The following WDPCP variants were observed in gnomAD, a reference collection of about 807,000 sequenced individuals.
WDPCP encodes WD repeat containing planar cell polarity effector, also known as WD repeat-containing and planar cell polarity effector protein fritz homolog.
In WDPCP, 71 loss-of-function variants were observed where a neutral mutation model predicts 93.1. That is an observed-to-expected ratio of 0.76 (90% CI 0.63 to 0.93). WDPCP has a LOEUF of 0.93. Among genes scored for constraint, WDPCP ranks in the 40% least tolerant of loss-of-function variants. WDPCP has a pLI of 0.00. For missense variants in WDPCP, 844 were observed against 887.4 expected (o/e 0.95, Z 0.62); for synonymous variants, 315 against 315.0 (o/e 1.00, Z 0.00).
chr2:63,817,277 T>C (rs1374725641), intron 1 of WDPCP, among the ~76,000 whole-genome samples: 1 of 152,148 alleles, frequency 6.6e-6, no homozygotes, highest in Non-Finnish European at 1.5e-5. Flanking sequence ...GCCCAGCTAA[T>C]TGTTGTCTTT....
intron 1 of WDPCP, among the ~76,000 whole-genome samples, chr2:63,817,437 AC>A (rs1200511981): frequency 6.6e-5 from 10 of 152,230 alleles, no homozygotes; most frequent in Non-Finnish European, 1.5e-4. Context: ...ACTGTAAATT[AC>A]AACTTAATTT....
At chr2:63,597,338 A>G (rs1322129800) in intron 3 of WDPCP, 2 of 1,314,550 alleles carry the variant, frequency 1.5e-6, no homozygotes, top group Non-Finnish European at 2.0e-6. Context: ...TTCAATATGA[A>G]AAAGAAAACT....
At chr2:63,396,147 A>C (rs140705593) in intron 10 of WDPCP, among the ~76,000 whole-genome samples, 98 of 152,334 alleles carry the variant, frequency 6.4e-4, no homozygotes, top group Middle Eastern at 3.4e-3. Flanking sequence ...CTAGAATAAA[A>C]GTTCATTTTA....
intron 17 of WDPCP, among the ~76,000 whole-genome samples, chr2:63,141,861 A>T (rs1462354451): frequency 1.3e-5 from 2 of 152,014 alleles, no homozygotes; most frequent in Admixed American, 1.3e-4. Context: ...TTTAAGCTAG[A>T]AGGGCTGTAT....
At chr2:63,730,163 A>G (rs934702623) in intron 2 of WDPCP, among the ~76,000 whole-genome samples, 1 of 152,140 alleles carries the variant, frequency 6.6e-6, no homozygotes. Flanking sequence ...ATCTCATGCA[A>G]TCTTCACAAG....
intron 2 of WDPCP, among the ~76,000 whole-genome samples, chr2:63,782,095 G>A (rs1301434201): frequency 1.3e-5 from 2 of 152,074 alleles, no homozygotes; most frequent in Admixed American, 1.3e-4. Context: ...TTCTTATTAA[G>A]AAGTCTGGCT....
At chr2:63,296,035 A>G (rs540788492) in intron 13 of WDPCP, among the ~76,000 whole-genome samples, 1 of 152,234 alleles carries the variant, frequency 6.6e-6, no homozygotes, top group African/African-American at 2.4e-5. Context: ...AGATGTAAAT[A>G]TCCTCAACAA....
chr2:63,378,350 T>A (rs771891428), intron 12 of WDPCP, 36 bp downstream of exon 12: 1 of 1,611,872 alleles, frequency 6.2e-7, no homozygotes, highest in South Asian at 1.1e-5. Flanking sequence ...AATAAGTAAT[T>A]AGTCTGACGC....
At chr2:63,340,079 C>G (rs912782432) in intron 12 of WDPCP, among the ~76,000 whole-genome samples, 2 of 152,136 alleles carry the variant, frequency 1.3e-5, no homozygotes, top group South Asian at 2.1e-4. Context: ...GGGTATACAT[C>G]TACGTCTTTG....
chr2:63,537,340 T>C (rs1203219954), intron 1 of WDPCP, among the ~76,000 whole-genome samples: 5 of 152,202 alleles, frequency 3.3e-5, no homozygotes, highest in Non-Finnish European at 7.3e-5. Context: ...CTCAGAAAGT[T>C]TGTATCCCTG....
chr2:63,840,221 T>A, the WDPCP span, among the ~76,000 whole-genome samples: 1 of 152,236 alleles, frequency 6.6e-6, no homozygotes, highest in Non-Finnish European at 1.5e-5. Context: ...GAGTCTTAGA[T>A]GCAGGTGGGG....
At chr2:63,381,032 T>G (rs1692259714) in intron 11 of WDPCP, among the ~76,000 whole-genome samples, 1 of 152,130 alleles carries the variant, frequency 6.6e-6, no homozygotes, top group Admixed American at 6.6e-5. Context: ...AAAGATCTTT[T>G]GACATATTTC....
At chr2:63,791,771 G>A (rs931830793) in intron 2 of WDPCP, among the ~76,000 whole-genome samples, 26 of 152,030 alleles carry the variant, frequency 1.7e-4, no homozygotes, top group African/African-American at 6.3e-4. Flanking sequence ...ACAGACGTAG[G>A]GTTGATCCTA....
chr2:63,383,497 T>C (rs1446111558), intron 10 of WDPCP, among the ~76,000 whole-genome samples: 1 of 152,102 alleles, frequency 6.6e-6, no homozygotes, highest in African/African-American at 2.4e-5. Context: ...GGCAGATCAC[T>C]TGAGGTCAGG....
chr2:63,422,520 A>C (rs1464851036), intron 9 of WDPCP, among the ~76,000 whole-genome samples: 1 of 152,210 alleles, frequency 6.6e-6, no homozygotes, highest in African/African-American at 2.4e-5. Context: ...AAGTACAACC[A>C]TTGGGAAACA....
intron 2 of WDPCP, among the ~76,000 whole-genome samples, chr2:63,793,025 G>A (rs541245299): frequency 6.6e-6 from 1 of 152,088 alleles, no homozygotes; most frequent in African/African-American, 2.4e-5. Flanking sequence ...ATTTTGAAAT[G>A]TAAATGTCAT....
intron 9 of WDPCP, among the ~76,000 whole-genome samples, chr2:63,411,025 T>C (rs918161684): frequency 6.6e-6 from 1 of 152,102 alleles, no homozygotes; most frequent in African/African-American, 2.4e-5. Context: ...ATTTAAACTA[T>C]ACCTTGGAAC....
At chr2:63,533,885 C>T (rs1161909748) in intron 1 of WDPCP, among the ~76,000 whole-genome samples, 1 of 51,870 alleles carries the variant, frequency 1.9e-5, no homozygotes, top group Non-Finnish European at 3.0e-5. Context: ...GAGATAGAGA[C>T]ACAAAAAAAC....
At chr2:63,707,503 T>C (rs1669181163) in intron 2 of WDPCP, among the ~76,000 whole-genome samples, 1 of 152,110 alleles carries the variant, frequency 6.6e-6, no homozygotes, top group Non-Finnish European at 1.5e-5. Flanking sequence ...CTTCTCTGCA[T>C]TGGTTATTCT....
Sources: gnomAD v4.1 joint callset for allele counts (sites outside exome capture counted in the v4.1 genomes callset) on GRCh38, gnomAD v4.1.1 for gene constraint, MANE v1.5 for transcripts, NCBI Gene and HGNC (gene_info 2026-07-23, HGNC 2026-07-21) for gene names.